IFI44L: variants seen among roughly 807,000 people sequenced by gnomAD.
IFI44L encodes interferon induced protein 44 like.
A neutral mutation model predicts 39.3 loss-of-function variants in IFI44L; 40 were observed. That is an observed-to-expected ratio of 1.02 (90% confidence interval 0.79 to 1.33). The LOEUF (loss-of-function observed/expected upper bound fraction) is 1.33. Among genes scored for constraint, IFI44L ranks in the 40% most tolerant of loss-of-function variants. The pLI is 0.00. For missense variants in IFI44L, 623 were observed against 549.0 expected (o/e 1.13, Z -1.35); for synonymous variants, 198 against 182.3 (o/e 1.09, Z -0.69).
At chr1:78,634,777 T>A (rs1438723640) in intron 4 of IFI44L, among the ~76,000 whole-genome samples, 2 of 151,542 alleles carry the variant, frequency 1.3e-5, no homozygotes, top group African/African-American at 2.4e-5. Flanking sequence ...TATGGAAAGA[T>A]GTAAATTGTG....
rs1461866719 is a variant in IFI44L, at chr1:78,629,929, C to T, written c.723+14C>T. ...ATAACCGAGCGGGTAAGTTATTTCC[C>T]TGAGGATTTTATTTTATAGATTACA... On this transcript the variant is annotated intron_variant, in intron 4 of 8. Transcript: ENST00000370751. 6 of 1,603,596 alleles carry T rather than the reference C, an allele frequency of 3.7e-6. No individual in the cohort carries two copies. Among genetic ancestry groups the T allele is most frequent in the Non-Finnish European group, 4.3e-6 (5 of 1,172,506 alleles).
At position 78,635,498 on chromosome 1, in the gene IFI44L, T is replaced by C. The variant is rs1652914202; in HGVS notation, c.876+9T>C. ...TGCCAGACAGATATCAGGTAAGATTTCTTCAATATCCAAAACATTTCAAAT... is the reference window on the plus strand; with the variant it reads ...TGCCAGACAGATATCAGGTAAGATTCCTTCAATATCCAAAACATTTCAAAT... On this transcript the variant is annotated intron_variant, in intron 5 of 8. Transcript: ENST00000370751. The C allele has an allele frequency of 6.2e-7, 1 of 1,606,496 alleles. No individual in the cohort carries two copies. Among genetic ancestry groups the C allele is most frequent in the South Asian group, 1.1e-5 (1 of 89,230 alleles).
intron 6 of IFI44L, among the ~76,000 whole-genome samples, chr1:78,639,578 G>A (rs141090715): frequency 6.6e-5 from 10 of 152,044 alleles, no homozygotes; most frequent in African/African-American, 1.2e-4. Context: ...GCTCATCTCT[G>A]TATTGTTTCT....
chr1:78,623,363 A>G (rs1037235226), intron 1 of IFI44L, among the ~76,000 whole-genome samples: 1 of 139,720 alleles, frequency 7.2e-6, no homozygotes, highest in Non-Finnish European at 1.5e-5. Context: ...ATGTTGAGGT[A>G]ATTTCCTTCT....
At chr1:78,633,848 A>T (rs960380922) in intron 4 of IFI44L, among the ~76,000 whole-genome samples, 2 of 152,186 alleles carry the variant, frequency 1.3e-5, no homozygotes, top group Non-Finnish European at 2.9e-5. Flanking sequence ...AAAAATGATG[A>T]GTGATCAGAA....
chr1:78,632,452 C>T (rs1164056929), intron 4 of IFI44L, among the ~76,000 whole-genome samples: 1 of 151,886 alleles, frequency 6.6e-6, no homozygotes, highest in Non-Finnish European at 1.5e-5. Flanking sequence ...TCTGGATAAC[C>T]CAGTGGACGA....
Position 78,641,933 on chromosome 1 carries a change from C to A in IFI44L, c.*124C>A. On this transcript the variant is annotated 3_prime_UTR_variant, in exon 9 of 9. Coordinates refer to ENST00000370751, the MANE Select transcript of IFI44L (RefSeq NM_006820.4). ...TTCGTTTTGCCTTCTGTCCTTGGAA[C>A]AGTCATATCTCAAGTTCAAAGGCCA... is the stretch of plus-strand genomic sequence containing the variant. The A allele has an allele frequency of 1.8e-6, 2 of 1,096,514 alleles. No homozygotes were observed. Among genetic ancestry groups the A allele is most frequent in the African/African-American group, 1.5e-5 (1 of 64,866 alleles). 67.9% of individuals were successfully genotyped at this position (1,096,514 alleles called of 1,614,324 possible).
Position 78,645,734 on chromosome 1 carries a change from G to T in IFI44L, c.*3925G>T, listed in dbSNP as rs2148686. 22,052 of 152,138 alleles carry T rather than the reference G, an allele frequency of 0.14. 1,831 individuals carry two copies. The highest frequency in any genetic ancestry group is 0.23 in the African/African-American group (9,344 of 41,490). The allele number at this position is 152,138 out of a possible 1,614,324, so 9.4% of individuals were successfully genotyped here. ...ATGGACCAATTTGTGGAGGACAGTA[G>T]ATTAAATAGATCTGATTTTTGCCAT... On this transcript the variant is annotated 3_prime_UTR_variant, in exon 9 of 9. Coordinates refer to ENST00000370751, the MANE Select transcript of IFI44L (RefSeq NM_006820.4).
intron 2 of IFI44L, 160 bp downstream of exon 2, chr1:78,628,553 A>G: frequency 1.7e-6 from 1 of 600,322 alleles, no homozygotes; most frequent in Non-Finnish European, 2.9e-6. Context: ...GAACATAAGG[A>G]TTATGAGGTT....
At position 78,645,189 on chromosome 1, in the gene IFI44L, T is replaced by C. The variant is rs887944926; in HGVS notation, c.*3380T>C. The stretch of plus-strand genomic sequence containing the variant: ...CAATTGATAGCTTATGCTGTTTCAA[T>C]GTAAATTCGTGGTAAATAACTTAGG... On this transcript the variant is annotated 3_prime_UTR_variant, in exon 9 of 9. Transcript: ENST00000370751. 3.9e-5 allele frequency: 6 copies of C among 152,212 alleles called. No homozygotes were observed. The highest frequency in any genetic ancestry group is 1.4e-4 in the African/African-American group (6 of 41,458). 9.4% of individuals were successfully genotyped at this position (152,212 alleles called of 1,614,324 possible).
At chr1:78,638,983 T>C (rs1308917928) in intron 6 of IFI44L, among the ~76,000 whole-genome samples, 10 of 152,138 alleles carry the variant, frequency 6.6e-5, no homozygotes, top group Admixed American at 6.6e-4. Flanking sequence ...AGATGGAAAG[T>C]ACAGGTTTCC....
chr1:78,622,709 G>A (rs1652321391), intron 1 of IFI44L, among the ~76,000 whole-genome samples: 1 of 152,126 alleles, frequency 6.6e-6, no homozygotes, highest in Non-Finnish European at 1.5e-5. Flanking sequence ...ATGTTGGGGA[G>A]GCCCATTTGG....
At chr1:78,635,151 T>C (rs1302513565) in intron 4 of IFI44L, among the ~76,000 whole-genome samples, 186 bp from the exon 5 acceptor site, 1 of 152,022 alleles carries the variant, frequency 6.6e-6, no homozygotes, top group East Asian at 1.9e-4. Context: ...TATCCATAGA[T>C]ATAACCCACA....
Position 78,644,716 on chromosome 1 carries a change from C to T in IFI44L, c.*2907C>T, listed in dbSNP as rs549487535. The T allele has an allele frequency of 3.7e-4, 57 of 152,224 alleles. No individual in the cohort carries two copies. The highest frequency in any genetic ancestry group is 1.4e-3 in the African/African-American group (57 of 41,536). The allele number at this position is 152,224 out of a possible 1,614,324, so 9.4% of individuals were successfully genotyped here. ...AAGATGTACAGCTCAGTCAAAGACA[C>T]TAAATTCTTCTTAGAAAAATAGTGC... is the stretch of plus-strand genomic sequence containing the variant. On this transcript the variant is annotated 3_prime_UTR_variant, in exon 9 of 9. Transcript: ENST00000370751.
intron 6 of IFI44L, among the ~76,000 whole-genome samples, chr1:78,640,107 G>A (rs1057505757): frequency 6.6e-6 from 1 of 152,050 alleles, no homozygotes; most frequent in Non-Finnish European, 1.5e-5. Flanking sequence ...ATTATGGAGG[G>A]TTTGGGGTAA....
In IFI44L at chr1:78,645,155, A is replaced by C. The variant is rs1647033247; in HGVS notation, c.*3346A>C. 1.3e-5 allele frequency: 2 copies of C among 152,186 alleles called. No individual in the cohort carries two copies. The highest frequency in any genetic ancestry group is 2.9e-5 in the Non-Finnish European group (2 of 68,036). 9.4% of individuals were successfully genotyped at this position (152,186 alleles called of 1,614,324 possible). A position where few individuals can be genotyped will look rare whatever the true frequency, so the allele number is the denominator to read the frequency against. On this transcript the variant is annotated 3_prime_UTR_variant, in exon 9 of 9. Transcript: ENST00000370751. ...TTCCTGGAATTTGATACAGAGAGCA[A>C]TTTATAGCCAATTGATAGCTTATGC...
intron 2 of IFI44L, 71 bp from the exon 3 acceptor site, chr1:78,628,880 C>A: frequency 9.7e-7 from 1 of 1,034,162 alleles, no homozygotes; most frequent in Non-Finnish European, 1.5e-6. Context: ...TGTCTTATTT[C>A]AAAAGTAGAC....
intron 1 of IFI44L, among the ~76,000 whole-genome samples, chr1:78,625,381 T>C (rs1273240628): frequency 1.3e-5 from 2 of 152,084 alleles, no homozygotes; most frequent in Admixed American, 6.6e-5. Flanking sequence ...GTAAGTTGTA[T>C]TTTTCTAGAA....
intron 4 of IFI44L, among the ~76,000 whole-genome samples, chr1:78,630,760 T>A (rs1008899759): frequency 1.1e-4 from 16 of 152,170 alleles, no homozygotes; most frequent in African/African-American, 3.9e-4. Flanking sequence ...TTTCTAGGAC[T>A]TTCAAGAATC....
Sources: allele counts gnomAD v4.1 joint callset (sites outside exome capture counted in the v4.1 genomes callset), GRCh38; gene constraint gnomAD v4.1.1; transcripts MANE v1.5; gene names NCBI Gene and HGNC (gene_info 2026-07-23, HGNC 2026-07-21).